The following SYN2 variants were observed in gnomAD, a reference collection of about 807,000 sequenced individuals.
The protein encoded by SYN2 is synapsin-2.
In SYN2, 19 loss-of-function variants were observed where a neutral mutation model predicts 50.9. The ratio of observed to expected loss-of-function variants is 0.37; its 90% confidence interval spans 0.26 to 0.55. The LOEUF (loss-of-function observed/expected upper bound fraction) is 0.55. Among genes scored for constraint, SYN2 ranks in the 20% least tolerant of loss-of-function variants. The pLI is 0.81. For missense variants in SYN2, 587 were observed against 576.4 expected (o/e 1.02, Z -0.19); for synonymous variants, 255 against 224.9 (o/e 1.13, Z -1.20).
At chr3:12,059,707 G>A (rs1695073030) in intron 1 of SYN2, among the ~76,000 whole-genome samples, 1 of 152,088 alleles carries the variant, frequency 6.6e-6, no homozygotes, top group Non-Finnish European at 1.5e-5. Flanking sequence ...CCTTCTTGCT[G>A]TAAAGTTGCT....
chr3:12,143,544 A>G (rs1228639446), intron 3 of SYN2, among the ~76,000 whole-genome samples: 2 of 151,628 alleles, frequency 1.3e-5, no homozygotes, highest in Non-Finnish European at 2.9e-5. Context: ...GCAGTATTTG[A>G]TTTTCTGTTT....
At chr3:12,097,592 C>T (rs6798755) in intron 1 of SYN2, among the ~76,000 whole-genome samples, 19,208 of 145,566 alleles carry the variant, frequency 0.13, 2,162 homozygotes, top group African/African-American at 0.31. Flanking sequence ...GGCGACAGAG[C>T]GAGACTCCAT....
intron 1 of SYN2, chr3:12,071,557 C>G (rs1224631400): frequency 2.6e-5 from 9 of 343,518 alleles, no homozygotes; most frequent in East Asian, 1.5e-4. Context: ...ACCTTGTATT[C>G]AAGTTAACTT....
intron 1 of SYN2, among the ~76,000 whole-genome samples, chr3:12,137,109 G>A (rs531365941): frequency 3.3e-5 from 5 of 152,014 alleles, no homozygotes; most frequent in African/African-American, 9.7e-5. Flanking sequence ...TTAGCCTGGC[G>A]TGGTGGCATG....
intron 1 of SYN2, among the ~76,000 whole-genome samples, chr3:12,087,917 T>TAA (rs79920668): frequency 3.4e-5 from 5 of 146,412 alleles, no homozygotes; most frequent in African/African-American, 1.2e-4. Context: ...TCACATCATA[T>TAA]AAAAAAAAAA....
At chr3:12,067,134 AT>A (rs1695232335) in intron 1 of SYN2, among the ~76,000 whole-genome samples, 1 of 152,056 alleles carries the variant, frequency 6.6e-6, no homozygotes, top group Non-Finnish European at 1.5e-5. Context: ...ACAAGATGAG[AT>A]TTGCGTGGGG....
Position 12,191,239 on chromosome 3 carries a change from T to G in SYN2, c.*614T>G. ...CAAGGATCTGCAGTTTCCCCTTTTC[T>G]CCCCTCTGAAGAGTGGTTCTTATGT... On this transcript the variant is annotated 3_prime_UTR_variant, in exon 13 of 13. Coordinates refer to ENST00000621198, the MANE Select transcript of SYN2 (RefSeq NM_133625.6). The G allele has an allele frequency of 1.0e-6, 1 of 956,908 alleles. No individual in the cohort carries two copies. 59.3% of individuals were successfully genotyped at this position (956,908 alleles called of 1,614,324 possible). A position where few individuals can be genotyped will look rare whatever the true frequency, so the allele number is the denominator to read the frequency against.
intron 1 of SYN2, among the ~76,000 whole-genome samples, chr3:12,122,671 G>C (rs1457540511): frequency 6.6e-6 from 1 of 152,100 alleles, no homozygotes. Context: ...CTACAGGCCT[G>C]TCTTCACTTG....
At chr3:12,037,659 A>G (rs541167067) in intron 1 of SYN2, among the ~76,000 whole-genome samples, 2 of 152,196 alleles carry the variant, frequency 1.3e-5, no homozygotes. Context: ...TACTCCTGAA[A>G]TAACTAACCT....
At chr3:12,093,809 C>T (rs926208127) in intron 1 of SYN2, among the ~76,000 whole-genome samples, 5 of 152,048 alleles carry the variant, frequency 3.3e-5, no homozygotes, top group Middle Eastern at 6.9e-3. Context: ...TATCCCCTGA[C>T]TGCCTTTTCT....
At chr3:12,185,935 T>G (rs1383497967) in intron 11 of SYN2, among the ~76,000 whole-genome samples, 3 of 152,250 alleles carry the variant, frequency 2.0e-5, no homozygotes, top group Admixed American at 2.0e-4. Flanking sequence ...GTTATTTGAT[T>G]TGAATTTGGA....
rs144740201 is a variant in SYN2 at position 12,168,157 on chromosome 3, T to C, written c.1056-219T>C. ...AATAGCCAAGGAGGCCTTCTAGATA[T>C]GGTGAGAACTGCTTTGGGCCTGCAA... On this transcript the variant is annotated intron_variant, in intron 8 of 12. Coordinates refer to ENST00000621198, the MANE Select transcript of SYN2 (RefSeq NM_133625.6). Among the ~76,000 whole-genome samples the C allele has an allele frequency of 4.5e-3, 680 of 151,908 alleles. 5 individuals are homozygous for C. The highest frequency in any genetic ancestry group is 0.016 in the African/African-American group (659 of 41,404).
At chr3:12,111,290 G>A (rs1696310408) in intron 1 of SYN2, among the ~76,000 whole-genome samples, 1 of 152,128 alleles carries the variant, frequency 6.6e-6, no homozygotes, top group Admixed American at 6.5e-5. Flanking sequence ...TGCCATGATT[G>A]TGAGGCCTCC....
At chr3:12,094,439 T>C (rs1695887412) in intron 1 of SYN2, among the ~76,000 whole-genome samples, 1 of 152,190 alleles carries the variant, frequency 6.6e-6, no homozygotes. Flanking sequence ...ATAGGAAATA[T>C]CAGTTCCATC....
chr3:12,138,266 G>C (rs1318005971), intron 1 of SYN2, among the ~76,000 whole-genome samples: 1 of 152,194 alleles, frequency 6.6e-6, no homozygotes, highest in African/African-American at 2.4e-5. Flanking sequence ...CAGTGACCCT[G>C]GGCCAGGAAA....
At chr3:12,011,096 A>C (rs1318265572) in intron 1 of SYN2, among the ~76,000 whole-genome samples, 1 of 152,238 alleles carries the variant, frequency 6.6e-6, no homozygotes, top group African/African-American at 2.4e-5. Context: ...TCTTGAGGCT[A>C]CTGCATTTAA....
At chr3:12,044,201 A>C (rs199524461) in intron 1 of SYN2, among the ~76,000 whole-genome samples, 1 of 150,114 alleles carries the variant, frequency 6.7e-6, no homozygotes, top group Non-Finnish European at 1.5e-5. Flanking sequence ...ACACACACAC[A>C]CACACACACA....
intron 1 of SYN2, among the ~76,000 whole-genome samples, chr3:12,118,423 T>A (rs763076934): frequency 6.6e-6 from 1 of 152,050 alleles, no homozygotes; most frequent in Non-Finnish European, 1.5e-5. Flanking sequence ...AATGAATAAA[T>A]TACAAACACA....
chr3:12,181,222 G>A (rs749104), intron 10 of SYN2, among the ~76,000 whole-genome samples: 96,729 of 152,176 alleles, frequency 0.64, 33,473 homozygotes, highest in South Asian at 0.79. Context: ...AATTCTCTGG[G>A]AGGAGAACAT....
Sources: allele counts gnomAD v4.1 joint callset (sites outside exome capture counted in the v4.1 genomes callset), GRCh38; gene constraint gnomAD v4.1.1; transcripts MANE v1.5; gene names NCBI Gene and HGNC (gene_info 2026-07-23, HGNC 2026-07-21).